Variants in SDC2 observed in about 807,000 individuals in gnomAD.
The protein encoded by SDC2 is syndecan-2.
Under a neutral mutation model 22.2 loss-of-function variants are expected in SDC2, and 13 were observed. The observed-to-expected ratio is 0.59, with a 90% CI of 0.38 to 0.93. The LOEUF is 0.93. Among genes scored for constraint, SDC2 ranks in the 40% least tolerant of loss-of-function variants. The pLI is 0.00. For missense variants in SDC2, 235 were observed against 246.8 expected (o/e 0.95, Z 0.32); for synonymous variants, 94 against 92.8 (o/e 1.01, Z -0.07).
chr8:96,546,426 C>T (rs917225577), intron 1 of SDC2, among the ~76,000 whole-genome samples: 1 of 152,040 alleles, frequency 6.6e-6, no homozygotes, highest in African/African-American at 2.4e-5. Flanking sequence ...TTTTTAAAAA[C>T]CCAGAACAAA....
At chr8:96,585,546 G>A (rs887978930) in intron 1 of SDC2, among the ~76,000 whole-genome samples, 1 of 152,084 alleles carries the variant, frequency 6.6e-6, no homozygotes, top group African/African-American at 2.4e-5. Context: ...ATGGGGGCGG[G>A]TGCATCCTGT....
chr8:96,603,169 A>T (rs1815021888), intron 3 of SDC2, among the ~76,000 whole-genome samples: 1 of 152,196 alleles, frequency 6.6e-6, no homozygotes, highest in Non-Finnish European at 1.5e-5. Context: ...CCATCCACTA[A>T]TAGGTAACCC....
chr8:96,531,692 C>T (rs1386713145), intron 1 of SDC2, among the ~76,000 whole-genome samples: 2 of 152,196 alleles, frequency 1.3e-5, no homozygotes, highest in Non-Finnish European at 2.9e-5. Flanking sequence ...ACTATTTAAA[C>T]CCTTTAAGAA....
chr8:96,519,916 C>T (rs1813469034), intron 1 of SDC2, among the ~76,000 whole-genome samples: 2 of 152,162 alleles, frequency 1.3e-5, no homozygotes, highest in Middle Eastern at 3.2e-3. Context: ...GTGCGAGCCA[C>T]CACGCTCGGC....
chr8:96,509,347 A>G (rs1261993216), intron 1 of SDC2, among the ~76,000 whole-genome samples: 1 of 142,338 alleles, frequency 7.0e-6, no homozygotes, highest in East Asian at 1.9e-4. Context: ...GTACTGACCA[A>G]AGAAGACAGT....
At chr8:96,560,343 G>A (rs573342186) in intron 1 of SDC2, among the ~76,000 whole-genome samples, 1 of 152,262 alleles carries the variant, frequency 6.6e-6, no homozygotes, top group Admixed American at 6.5e-5. Context: ...CCCCATATCT[G>A]TAGAACATGA....
At chr8:96,585,168 G>T (rs959509387) in intron 1 of SDC2, among the ~76,000 whole-genome samples, 1 of 152,122 alleles carries the variant, frequency 6.6e-6, no homozygotes, top group Non-Finnish European at 1.5e-5. Flanking sequence ...TTTAAAAAAC[G>T]TATTGATGGG....
At chr8:96,582,163 A>G (rs968736832) in intron 1 of SDC2, among the ~76,000 whole-genome samples, 1 of 152,210 alleles carries the variant, frequency 6.6e-6, no homozygotes. Flanking sequence ...CTGTCAAGCA[A>G]ACCATTTCTT....
intron 2 of SDC2, among the ~76,000 whole-genome samples, chr8:96,599,328 T>C (rs1002677670): frequency 3.9e-5 from 6 of 152,180 alleles, no homozygotes; most frequent in African/African-American, 1.2e-4. Flanking sequence ...CACTTCTAGG[T>C]TGATGACTCA....
intron 1 of SDC2, among the ~76,000 whole-genome samples, chr8:96,578,889 A>C (rs1480703483): frequency 1.4e-4 from 22 of 152,214 alleles, no homozygotes; most frequent in Non-Finnish European, 1.5e-5. Flanking sequence ...AAACTTCCCA[A>C]CTAATAAATT....
At chr8:96,558,717 G>C (rs1038415944) in intron 1 of SDC2, among the ~76,000 whole-genome samples, 1 of 152,138 alleles carries the variant, frequency 6.6e-6, no homozygotes, top group Non-Finnish European at 1.5e-5. Context: ...GGGAATATAA[G>C]GGTGGGAAAT....
chr8:96,495,573 T>A (rs1813060727), intron 1 of SDC2, among the ~76,000 whole-genome samples: 1 of 152,202 alleles, frequency 6.6e-6, no homozygotes, highest in African/African-American at 2.4e-5. Flanking sequence ...CCTTTGCCAT[T>A]TAATAACGTG....
At chr8:96,565,441 T>C (rs926826552) in intron 1 of SDC2, among the ~76,000 whole-genome samples, 3 of 152,158 alleles carry the variant, frequency 2.0e-5, no homozygotes, top group African/African-American at 7.2e-5. Flanking sequence ...ACAGGATCCA[T>C]GTACATCTTC....
rs1813584029 is a variant in SDC2, at chr8:96,526,694, A to G, written c.60+32363A>G. Among the ~76,000 whole-genome samples, 3 of 152,012 alleles carry G rather than the reference A, an allele frequency of 2.0e-5. No homozygotes were observed. In the South Asian group the frequency reaches 6.2e-4, roughly 32 times the overall value. ...TTTTGGACAGTTTTTAAGGGCCTTC[A>G]TAAATACTTGGTGTACTCCTCAAAG... On this transcript the variant is annotated intron_variant, in intron 1 of 4. Coordinates refer to ENST00000302190, the MANE Select transcript of SDC2 (RefSeq NM_002998.4).
chr8:96,520,253 AAC>A (rs1157282868), intron 1 of SDC2, among the ~76,000 whole-genome samples: 22 of 152,334 alleles, frequency 1.4e-4, no homozygotes, highest in Non-Finnish European at 2.6e-4. Context: ...TTTCCAAGAA[AAC>A]ACAGTATAAT....
chr8:96,601,253 G>A (rs1476892480), intron 2 of SDC2, among the ~76,000 whole-genome samples: 1 of 152,110 alleles, frequency 6.6e-6, no homozygotes, highest in Non-Finnish European at 1.5e-5. Context: ...TGATGACAGG[G>A]AAAATGCTCC....
At chr8:96,601,952 G>A (rs1475128103) in intron 2 of SDC2, among the ~76,000 whole-genome samples, 1 of 151,838 alleles carries the variant, frequency 6.6e-6, no homozygotes, top group Non-Finnish European at 1.5e-5. Flanking sequence ...TAGAGATGAG[G>A]TTTCACCATA....
intron 1 of SDC2, among the ~76,000 whole-genome samples, chr8:96,522,814 G>GCA (rs1813517606): frequency 1.3e-5 from 2 of 152,168 alleles, no homozygotes; most frequent in Admixed American, 6.5e-5. Context: ...AAATAAATCT[G>GCA]GTCCATGAAC....
chr8:96,517,692 G>T (rs574947518), intron 1 of SDC2, among the ~76,000 whole-genome samples: 1 of 150,892 alleles, frequency 6.6e-6, no homozygotes, highest in South Asian at 2.1e-4. Context: ...TTATCTGTAT[G>T]ATTTATATGA....
Sources: allele counts gnomAD v4.1 joint callset (sites outside exome capture counted in the v4.1 genomes callset), GRCh38; gene constraint gnomAD v4.1.1; transcripts MANE v1.5; gene names NCBI Gene and HGNC (gene_info 2026-07-23, HGNC 2026-07-21).